The following FAT3 variants were observed in gnomAD, a reference collection of about 807,000 sequenced individuals.
FAT3 encodes the protein FAT atypical cadherin 3.
Under a neutral mutation model 310.2 loss-of-function variants are expected in FAT3, and 95 were observed. The ratio of observed to expected loss-of-function variants is 0.31; its 90% CI spans 0.26 to 0.36. The LOEUF (loss-of-function observed/expected upper bound fraction) is 0.36. Among genes scored for constraint, FAT3 ranks in the 10% least tolerant of loss-of-function variants. The probability of loss-of-function intolerance (pLI) is 1.00; values close to 1 mark genes in which losing one functional copy is unlikely to be tolerated. For synonymous variants in FAT3, 2,314 were observed against 2,192.9 expected (o/e 1.06, Z -1.54); for missense variants, 5,408 against 5,715.6 (o/e 0.95, Z 1.74).
intron 2 of FAT3, among the ~76,000 whole-genome samples, chr11:92,489,682 A>G (rs1330360784): frequency 6.6e-6 from 1 of 152,142 alleles, no homozygotes; most frequent in Non-Finnish European, 1.5e-5. Flanking sequence ...AGATGCTAAT[A>G]GGACATCATT....
intron 1 of FAT3, among the ~76,000 whole-genome samples, chr11:92,319,643 T>C (rs1947556985): frequency 1.3e-5 from 2 of 152,186 alleles, no homozygotes; most frequent in South Asian, 4.1e-4. Context: ...AAGGAGAATA[T>C]AATATTGAGG....
intron 4 of FAT3, among the ~76,000 whole-genome samples, chr11:92,718,601 T>C (rs1475872100): frequency 6.6e-6 from 1 of 152,186 alleles, no homozygotes; most frequent in Non-Finnish European, 1.5e-5. Context: ...ATATAGCATC[T>C]GAAATTATTA....
At chr11:92,739,319 C>T (rs1361771907) in intron 4 of FAT3, among the ~76,000 whole-genome samples, 1 of 148,684 alleles carries the variant, frequency 6.7e-6, no homozygotes, top group Non-Finnish European at 1.5e-5. Context: ...TGGAGATTTC[C>T]AGGGAAGACT....
intron 1 of FAT3, among the ~76,000 whole-genome samples, chr11:92,234,865 G>A (rs1222700331): frequency 6.9e-6 from 1 of 145,218 alleles, no homozygotes; most frequent in East Asian, 2.0e-4. Context: ...TTGTGCCATT[G>A]AACTCCAGCC....
At chr11:92,452,558 T>G (rs1467150490) in intron 2 of FAT3, among the ~76,000 whole-genome samples, 1 of 152,076 alleles carries the variant, frequency 6.6e-6, no homozygotes, top group Non-Finnish European at 1.5e-5. Context: ...CTGAAGCGCA[T>G]AGAAAGGTTG....
At chr11:92,745,588 A>AG (rs1187576742) in intron 4 of FAT3, among the ~76,000 whole-genome samples, 2 of 151,906 alleles carry the variant, frequency 1.3e-5, no homozygotes, top group Non-Finnish European at 2.9e-5. Context: ...CAGGGAAAAA[A>AG]AAAAAAAAAA....
intron 2 of FAT3, among the ~76,000 whole-genome samples, chr11:92,462,493 T>C (rs2135114744): frequency 6.6e-6 from 1 of 152,274 alleles, no homozygotes; most frequent in South Asian, 2.1e-4. Flanking sequence ...AAATTTTATC[T>C]AAAGTTTTAA....
In FAT3 at chr11:92,695,712, C is replaced by T. The variant is rs150013654; in HGVS notation, c.3608-1672C>T. ...GGAACTAGGTAGGCATCAGAGTTTC[C>T]GAATCAAAAGACAGGCCCATCCCAT... is the stretch of plus-strand genomic sequence containing the variant. On this transcript the variant is annotated intron_variant, in intron 3 of 27. Transcript: ENST00000525166. Among the ~76,000 whole-genome samples, 98 of 152,156 alleles carry T rather than the reference C, an allele frequency of 6.4e-4. 1 individual carries two copies. Among genetic ancestry groups the T allele is most frequent in the African/African-American group, 2.2e-3 (91 of 41,510 alleles).
At chr11:92,635,434 A>G (rs1941731006) in intron 3 of FAT3, among the ~76,000 whole-genome samples, 1 of 152,196 alleles carries the variant, frequency 6.6e-6, no homozygotes, top group Admixed American at 6.5e-5. Context: ...TATATTTGAT[A>G]ATAAGCCATA....
chr11:92,800,248 T>C lies in FAT3; in HGVS notation c.7235T>C (p.Phe2412Ser), dbSNP rs376781078. 3 of 1,613,996 alleles carry C rather than the reference T, an allele frequency of 1.9e-6. No homozygotes were observed. The African/African-American group carries it at 4.0e-5, about 22-fold the overall frequency. Reference protein sequence around the residue: ...YVSELAPRGHFVTCVQASDAD... With the variant: ...YVSELAPRGHSVTCVQASDAD... ...AGTGAATTAGCCCCCCGGGGCCATT[T>C]TGTAACCTGTGTACAAGCCTCTGAT... is the stretch of plus-strand genomic sequence containing the variant. Residue 2412 changes from phenylalanine (F) to serine (S), a missense_variant, in exon 10 of 28, where the codon TTT becomes TCT. Phe to Ser is a radical substitution (Grantham distance 155, BLOSUM62 -2). Around this residue, in one of 5 missense-constraint regions of FAT3, gnomAD observed 4,588 missense variants for 4,809.8 expected, o/e 0.95. Coordinates refer to ENST00000525166, the MANE Select transcript of FAT3 (RefSeq NM_001367949.2).
intron 6 of FAT3, among the ~76,000 whole-genome samples, chr11:92,772,952 A>C (rs1946495873): frequency 2.0e-5 from 3 of 152,208 alleles, no homozygotes; most frequent in Admixed American, 1.3e-4. Context: ...GAATGTAAAA[A>C]TAAACCAAAG....
chr11:92,886,877 T>G (rs1949808521), intron 24 of FAT3, 123 bp from the exon 25 acceptor site: 1 of 740,004 alleles, frequency 1.4e-6, no homozygotes, highest in African/African-American at 1.8e-5. Flanking sequence ...TGGAGCTAAA[T>G]TATTTTCTCT....
In FAT3 at chr11:92,554,913, G is replaced by A. The variant is rs374309252; in HGVS notation, c.3607+29965G>A. On this transcript the variant is annotated intron_variant, in intron 3 of 27. Coordinates refer to ENST00000525166, the MANE Select transcript of FAT3 (RefSeq NM_001367949.2). ...TCTGCTGCACTGAAGCTCATAATCTGCGAGAGAAGATGCCACTGGGGATTA... is the reference window on the plus strand; with the variant it reads ...TCTGCTGCACTGAAGCTCATAATCTACGAGAGAAGATGCCACTGGGGATTA... Among the ~76,000 whole-genome samples the A allele has an allele frequency of 7.9e-5, 12 of 152,304 alleles. No individual in the cohort carries two copies. The East Asian group carries it at 1.7e-3, about 22-fold the overall frequency.
intron 13 of FAT3, among the ~76,000 whole-genome samples, chr11:92,812,358 G>A (rs112439107): frequency 1.1e-4 from 17 of 152,028 alleles, no homozygotes; most frequent in Non-Finnish European, 1.8e-4. Context: ...CGAAGTGGGC[G>A]GATCACGAGG....
chr11:92,815,369 C>T (rs143358412), intron 13 of FAT3, among the ~76,000 whole-genome samples: 1,529 of 151,938 alleles, frequency 0.01, 15 homozygotes, highest in Non-Finnish European at 0.011. Context: ...GTCAGGAGAT[C>T]GAGACCATCC....
intron 23 of FAT3, 70 bp from the exon 24 acceptor site, chr11:92,882,668 C>T (rs1329343086): frequency 7.8e-7 from 1 of 1,283,694 alleles, no homozygotes; most frequent in African/African-American, 1.7e-5. Context: ...TCTGTGTTTT[C>T]TCGAGTTCCC....
At chr11:92,660,318 A>T (rs2135791379) in intron 3 of FAT3, among the ~76,000 whole-genome samples, 1 of 152,248 alleles carries the variant, frequency 6.6e-6, no homozygotes, top group Non-Finnish European at 1.5e-5. Flanking sequence ...TGCATGAAAT[A>T]GATGCTTTTC....
intron 13 of FAT3, among the ~76,000 whole-genome samples, chr11:92,825,296 G>A (rs1948074298): frequency 6.6e-6 from 1 of 152,066 alleles, no homozygotes; most frequent in Non-Finnish European, 1.5e-5. Flanking sequence ...GCTCAGTATT[G>A]GGGTTCAAAG....
rs146828091 is a variant in FAT3, at chr11:92,690,898, G to A, written c.3608-6486G>A. Among the ~76,000 whole-genome samples the A allele has an allele frequency of 9.9e-5, 15 of 152,258 alleles. No homozygotes were observed. In the East Asian group the frequency reaches 1.9e-3, roughly 20 times the overall value. ...TCATAAATGTGGGAATAACCAGTGT[G>A]TGTATTTTCCCTATTTAAAAGCACG... On this transcript the variant is annotated intron_variant, in intron 3 of 27. Coordinates refer to ENST00000525166, the MANE Select transcript of FAT3 (RefSeq NM_001367949.2).
Sources: gnomAD v4.1 joint callset for allele counts (sites outside exome capture counted in the v4.1 genomes callset) on GRCh38, gnomAD v4.1.1 for gene constraint, gnomAD v4.1.1 regional missense constraint, MANE v1.5 for transcripts, NCBI Gene and HGNC (gene_info 2026-07-23, HGNC 2026-07-21) for gene names.